TBC1D30: variants seen among roughly 807,000 people sequenced by gnomAD.
The protein encoded by TBC1D30 is TBC1 domain family, member 30.
A neutral mutation model predicts 63.2 loss-of-function variants in TBC1D30; 31 were observed. That is an observed-to-expected ratio of 0.49 (90% CI 0.37 to 0.66). The LOEUF is 0.66. Ranked by LOEUF, TBC1D30 falls within the 30% of genes least tolerant of loss-of-function variation. The pLI is 0.00. For missense variants in TBC1D30, 810 were observed against 953.6 expected (o/e 0.85, Z 1.98); for synonymous variants, 307 against 361.5 (o/e 0.85, Z 1.71).
At chr12:64,783,901 G>A in intron 1 of TBC1D30, among the ~76,000 whole-genome samples, 1 of 16,466 alleles carries the variant, frequency 6.1e-5, no homozygotes, top group Non-Finnish European at 1.4e-4. Context: ...CAGGTGATCT[G>A]CCTGCCTCGG....
intron 2 of TBC1D30, among the ~76,000 whole-genome samples, chr12:64,810,809 A>C (rs1873171780): frequency 1.3e-5 from 2 of 152,176 alleles, no homozygotes; most frequent in Non-Finnish European, 2.9e-5. Context: ...CCTCCTGATA[A>C]TCTTTTCCTC....
At chr12:64,834,034 T>C (rs1307870786) in intron 5 of TBC1D30, among the ~76,000 whole-genome samples, 1 of 152,094 alleles carries the variant, frequency 6.6e-6, no homozygotes, top group Non-Finnish European at 1.5e-5. Context: ...AAACTGGAAA[T>C]TAAAAACTCA....
chr12:64,840,432 T>G (rs927078966), intron 7 of TBC1D30, among the ~76,000 whole-genome samples: 5 of 152,230 alleles, frequency 3.3e-5, no homozygotes, highest in Admixed American at 1.3e-4. Context: ...CTCCTCTCTA[T>G]CCATTAATCT....
At chr12:64,763,065 C>G (rs1360022542) in intron 1 of TBC1D30, among the ~76,000 whole-genome samples, 1 of 152,190 alleles carries the variant, frequency 6.6e-6, no homozygotes, top group East Asian at 1.9e-4. Context: ...AAGCAATTCT[C>G]CTGCCTCAGC....
At chr12:64,873,121 A>G (rs1878782252) in intron 11 of TBC1D30, among the ~76,000 whole-genome samples, 1 of 152,094 alleles carries the variant, frequency 6.6e-6, no homozygotes, top group Non-Finnish European at 1.5e-5. Flanking sequence ...AGGCAAAAAG[A>G]CCTTAGCTTC....
intron 8 of TBC1D30, among the ~76,000 whole-genome samples, chr12:64,847,123 A>T (rs1159043293): frequency 6.7e-6 from 1 of 150,092 alleles, no homozygotes; most frequent in Non-Finnish European, 1.5e-5. Context: ...GGTAGGTTGT[A>T]TGTGTCTAGG....
chr12:64,847,251 AGTTT>A (rs566016964), intron 8 of TBC1D30, among the ~76,000 whole-genome samples: 438 of 151,194 alleles, frequency 2.9e-3, no homozygotes, highest in African/African-American at 0.01. Context: ...TTCATCTCTG[AGTTT>A]GTTTATTTGG....
chr12:64,809,884 A>C (rs1030481796), intron 2 of TBC1D30, among the ~76,000 whole-genome samples: 2 of 152,138 alleles, frequency 1.3e-5, no homozygotes, highest in Non-Finnish European at 2.9e-5. Context: ...AATAATTTAT[A>C]ATTTAATTCT....
upstream of TBC1D30, chr12:64,824,582 C>T (rs1874119022): frequency 6.1e-6 from 2 of 325,254 alleles, no homozygotes; most frequent in Admixed American, 5.0e-5. Context: ...ACGCCGCCTC[C>T]GTCTCCCACG....
intron 1 of TBC1D30, among the ~76,000 whole-genome samples, chr12:64,781,957 T>G (rs1871319233): frequency 6.6e-6 from 1 of 151,984 alleles, no homozygotes; most frequent in Non-Finnish European, 1.5e-5. Context: ...GCTGGTACCT[T>G]CAGTTGGCAT....
chr12:64,818,112 T>C (rs563244945), intron 2 of TBC1D30, among the ~76,000 whole-genome samples: 11 of 151,700 alleles, frequency 7.3e-5, no homozygotes, highest in African/African-American at 2.2e-4. Flanking sequence ...TTGGGGAATC[T>C]CAGCTAAATG....
chr12:64,823,779 CA>C (rs1555169826), upstream of TBC1D30, among the ~76,000 whole-genome samples: 1 of 152,164 alleles, frequency 6.6e-6, no homozygotes, highest in Non-Finnish European at 1.5e-5. Flanking sequence ...CATGCTGTTC[CA>C]TCATCCTGGT....
At chr12:64,826,541 C>T (rs1874367373) in intron 1 of TBC1D30, among the ~76,000 whole-genome samples, 1 of 152,184 alleles carries the variant, frequency 6.6e-6, no homozygotes, top group African/African-American at 2.4e-5. Context: ...CACTTGTTTT[C>T]AGCGTGCCTT....
At position 64,830,389 on chromosome 12, in the gene TBC1D30, T is replaced by G; in HGVS notation, c.295T>G (p.Leu99Val). The G allele has an allele frequency of 1.3e-6, 2 of 1,530,720 alleles. No homozygotes were observed. Among genetic ancestry groups the G allele is most frequent in the Non-Finnish European group, 1.8e-6 (2 of 1,142,826 alleles). 94.8% of individuals were successfully genotyped at this position (1,530,720 alleles called of 1,614,324 possible). A position where few individuals can be genotyped will look rare whatever the true frequency, so the allele number is the denominator to read the frequency against. ...TGTAATATTTTAGGTTTGGTTGACC[T>G]TGGCAGATCATTATTTGCACAGTAT... Reference protein sequence around the residue: ...KEWRRKVWLTLADHYLHSIAI... With the variant: ...KEWRRKVWLTVADHYLHSIAI... Residue 99 changes from leucine (L) to valine (V), a missense_variant, in exon 4 of 12, where the codon TTG becomes GTG. Transcript: ENST00000539867.
chr12:64,842,062 A>G (rs1875925288), intron 7 of TBC1D30, among the ~76,000 whole-genome samples: 1 of 152,130 alleles, frequency 6.6e-6, no homozygotes, highest in Admixed American at 6.6e-5. Flanking sequence ...TGTCATATAA[A>G]ATGGAAATAC....
intron 2 of TBC1D30, among the ~76,000 whole-genome samples, chr12:64,796,008 A>G (rs1872241925): frequency 6.6e-6 from 1 of 152,152 alleles, no homozygotes; most frequent in South Asian, 2.1e-4. Flanking sequence ...TTGATATATA[A>G]TTAGCAGCCT....
Position 64,807,720 on chromosome 12 carries a change from A to T in TBC1D30, c.644-20115A>T, listed in dbSNP as rs184311296. ...CCCAAACTGGTTTTTTTACCAGTTT[A>T]AAAAATTTTACCAATTAAAAAATTT... On this transcript the variant is annotated intron_variant, in intron 2 of 12. Transcript: ENST00000542120. Among the ~76,000 whole-genome samples the T allele has an allele frequency of 8.0e-3, 1,210 of 152,198 alleles. 46 individuals are homozygous for T. Among genetic ancestry groups the T allele is most frequent in the Admixed American group, 0.052 (792 of 15,282 alleles).
intron 8 of TBC1D30, among the ~76,000 whole-genome samples, chr12:64,849,285 T>C (rs985620104): frequency 6.6e-6 from 1 of 152,228 alleles, no homozygotes; most frequent in African/African-American, 2.4e-5. Context: ...TTTAATTAGA[T>C]CCCATTTGTC....
At position 64,838,203 on chromosome 12, in the gene TBC1D30, T is replaced by G. The variant is rs1875537528; in HGVS notation, c.764-480T>G. 2.6e-5 allele frequency among the ~76,000 whole-genome samples: 4 copies of G among 152,328 alleles called. No homozygotes were observed. In the South Asian group the frequency reaches 8.3e-4, roughly 32 times the overall value. On this transcript the variant is annotated intron_variant, in intron 6 of 11. Coordinates refer to ENST00000539867, the MANE Select transcript of TBC1D30 (RefSeq NM_015279.2). ...TGCCAGCTATCTTTCTGTTAATGAT[T>G]TCTAGTTTAACTCCACTGTGGTCTG...
Sources: gnomAD v4.1 joint callset for allele counts (sites outside exome capture counted in the v4.1 genomes callset) on GRCh38, gnomAD v4.1.1 for gene constraint, MANE v1.5 for transcripts, NCBI Gene and HGNC (gene_info 2026-07-23, HGNC 2026-07-21) for gene names.